PPP2R2B: variants seen among roughly 807,000 people sequenced by gnomAD.
PPP2R2B encodes protein phosphatase 2 regulatory subunit Bbeta.
A neutral mutation model predicts 46.0 loss-of-function variants in PPP2R2B; 5 were observed. The ratio of observed to expected loss-of-function variants is 0.11; its 90% CI spans 0.06 to 0.23. PPP2R2B has a LOEUF of 0.23. PPP2R2B is among the 10% of genes least tolerant of loss of function. The pLI is 1.00. For missense variants in PPP2R2B, 367 were observed against 575.0 expected (o/e 0.64, Z 3.70); for synonymous variants, 215 against 206.7 (o/e 1.04, Z -0.34).
intron 2 of PPP2R2B, among the ~76,000 whole-genome samples, chr5:147,076,161 T>C (rs1757757719): frequency 6.6e-6 from 1 of 152,198 alleles, no homozygotes; most frequent in Admixed American, 6.5e-5. Context: ...ATTTTACTAT[T>C]AGGTGTTCAT....
At chr5:146,987,114 G>T (rs1753467197) in intron 1 of PPP2R2B, among the ~76,000 whole-genome samples, 1 of 151,964 alleles carries the variant, frequency 6.6e-6, no homozygotes, top group African/African-American at 2.4e-5. Context: ...TATTCAAAAT[G>T]ATTTAGAAAA....
intron 1 of PPP2R2B, among the ~76,000 whole-genome samples, chr5:146,927,738 T>C (rs1359845546): frequency 1.4e-5 from 2 of 139,910 alleles, no homozygotes; most frequent in East Asian, 4.1e-4. Flanking sequence ...TACTTTCTTC[T>C]TTTTTTTTTT....
At chr5:146,695,638 C>T (rs2151159710) in intron 4 of PPP2R2B, among the ~76,000 whole-genome samples, 1 of 152,196 alleles carries the variant, frequency 6.6e-6, no homozygotes, top group South Asian at 2.1e-4. Flanking sequence ...TTTCTTGACT[C>T]AGTATCTTGA....
chr5:146,643,806 G>A (rs1003557605), intron 6 of PPP2R2B, among the ~76,000 whole-genome samples: 3 of 152,156 alleles, frequency 2.0e-5, no homozygotes, highest in Admixed American at 6.5e-5. Context: ...AAATAAAATA[G>A]TCTGTGAATA....
intron 1 of PPP2R2B, among the ~76,000 whole-genome samples, chr5:147,024,889 C>T (rs1158654701): frequency 6.6e-6 from 1 of 151,870 alleles, no homozygotes; most frequent in Non-Finnish European, 1.5e-5. Context: ...ATGATCTAAG[C>T]TTCTACCACC....
At chr5:146,681,323 T>C (rs1778157241) in intron 5 of PPP2R2B, among the ~76,000 whole-genome samples, 1 of 152,190 alleles carries the variant, frequency 6.6e-6, no homozygotes, top group African/African-American at 2.4e-5. Flanking sequence ...GTCAGCTCTT[T>C]ACTTTGTTAA....
rs117880177 is a variant in PPP2R2B, at chr5:146,966,532, C to T, written c.79+89133G>A. Among the ~76,000 whole-genome samples, 90 of 152,310 alleles carry T rather than the reference C, an allele frequency of 5.9e-4. 1 individual carries two copies. The East Asian group carries it at 0.016, about 27-fold the overall frequency. The stretch of plus-strand genomic sequence containing the variant: ...ACATGACCTAAGGCCCCTCCCTCAA[C>T]ACTCTAATCCATCATACCATTTTAT... On this transcript the variant is annotated intron_variant, in intron 1 of 8. Transcript: ENST00000336640.
At chr5:146,641,061 T>C (rs1485773534) in intron 6 of PPP2R2B, among the ~76,000 whole-genome samples, 1 of 152,122 alleles carries the variant, frequency 6.6e-6, no homozygotes, top group Non-Finnish European at 1.5e-5. Context: ...ACTGGGATGA[T>C]GAAGTTAAGA....
intron 2 of PPP2R2B, among the ~76,000 whole-genome samples, chr5:146,743,464 G>A (rs533865084): frequency 5.3e-5 from 8 of 152,274 alleles, no homozygotes; most frequent in African/African-American, 1.9e-4. Flanking sequence ...GAAGGAAAAG[G>A]TGAGGTGGCT....
chr5:146,627,345 A>T (rs1774133272), intron 7 of PPP2R2B, among the ~76,000 whole-genome samples: 1 of 152,178 alleles, frequency 6.6e-6, no homozygotes, highest in Non-Finnish European at 1.5e-5. Context: ...GTCTCAGCTG[A>T]TGTCTTTGGA....
intron 2 of PPP2R2B, among the ~76,000 whole-genome samples, chr5:146,812,815 A>ATATATATATG (rs1554140185): frequency 0.023 from 812 of 35,602 alleles, 157 homozygotes; most frequent in Non-Finnish European, 0.031. Context: ...ATATATATAT[A>ATATATATATG]TATATATATA....
At chr5:147,078,542 C>T (rs1452224318) in intron 2 of PPP2R2B, among the ~76,000 whole-genome samples, 1 of 152,138 alleles carries the variant, frequency 6.6e-6, no homozygotes, top group Admixed American at 6.5e-5. Flanking sequence ...AATCCCAGCA[C>T]TTTGGGAGGC....
intron 5 of PPP2R2B, among the ~76,000 whole-genome samples, chr5:146,684,179 G>T (rs959287430): frequency 6.6e-6 from 1 of 152,130 alleles, no homozygotes; most frequent in Non-Finnish European, 1.5e-5. Flanking sequence ...TAAAAGGATT[G>T]GATGTGAAGC....
At chr5:146,596,277 G>A (rs893108014) in intron 8 of PPP2R2B, among the ~76,000 whole-genome samples, 7 of 152,130 alleles carry the variant, frequency 4.6e-5, no homozygotes, top group South Asian at 2.1e-4. Context: ...TTTTATTCAC[G>A]GAAATGTGAT....
chr5:146,914,276 T>C (rs1254201123), intron 1 of PPP2R2B: 1 of 152,174 alleles, frequency 6.6e-6, no homozygotes, highest in African/African-American at 2.4e-5. Flanking sequence ...ATGAGCAAGA[T>C]GAAATGCAAA....
At chr5:147,014,691 A>T (rs372176428) in intron 1 of PPP2R2B, among the ~76,000 whole-genome samples, 3 of 144,840 alleles carry the variant, frequency 2.1e-5, no homozygotes, top group Admixed American at 6.9e-5. Context: ...AACAATGAGA[A>T]CACATGGACA....
intron 7 of PPP2R2B, among the ~76,000 whole-genome samples, chr5:146,601,134 G>A (rs1771740650): frequency 6.6e-6 from 1 of 152,074 alleles, no homozygotes; most frequent in Non-Finnish European, 1.5e-5. Context: ...TCTTCCTATG[G>A]CTGAATAGTA....
chr5:146,824,023 G>A (rs1758424750), intron 2 of PPP2R2B, among the ~76,000 whole-genome samples: 1 of 152,154 alleles, frequency 6.6e-6, no homozygotes, highest in Non-Finnish European at 1.5e-5. Context: ...AACACCAAGT[G>A]CTCTCCCAAC....
At chr5:146,932,938 T>C (rs1764014587) in intron 1 of PPP2R2B, among the ~76,000 whole-genome samples, 2 of 152,126 alleles carry the variant, frequency 1.3e-5, no homozygotes, top group South Asian at 4.1e-4. Flanking sequence ...ATTACAGCTG[T>C]GGAGGTATCA....
Sources: allele counts gnomAD v4.1 joint callset (sites outside exome capture counted in the v4.1 genomes callset), GRCh38; gene constraint gnomAD v4.1.1; transcripts MANE v1.5; gene names NCBI Gene and HGNC (gene_info 2026-07-23, HGNC 2026-07-21).